The following TIMMDC1 variants were observed in gnomAD, a reference collection of about 807,000 sequenced individuals.
TIMMDC1 encodes the protein complex I assembly factor TIMMDC1, mitochondrial.
TIMMDC1 carries 25 observed loss-of-function variants against 32.6 expected under a neutral mutation model. That is an observed-to-expected ratio of 0.77 (90% CI 0.56 to 1.07). TIMMDC1 has a LOEUF of 1.07. Ranked by LOEUF, TIMMDC1 falls within the 50% of genes least tolerant of loss-of-function variation. The pLI is 0.00. For synonymous variants in TIMMDC1, 130 were observed against 127.6 expected (o/e 1.02, Z -0.13); for missense variants, 329 against 349.2 (o/e 0.94, Z 0.46).
chr3:119,518,553 CAAA>C (rs112915406), intron 6 of TIMMDC1, among the ~76,000 whole-genome samples: 1 of 112,078 alleles, frequency 8.9e-6, no homozygotes, highest in Admixed American at 9.8e-5. Context: ...TACTTCATCT[CAAA>C]AAAAAAAAAA....
intron 4 of TIMMDC1, among the ~76,000 whole-genome samples, chr3:119,507,968 A>C (rs1256881581): frequency 1.3e-5 from 2 of 152,182 alleles, no homozygotes; most frequent in Non-Finnish European, 2.9e-5. Flanking sequence ...TTTCTCCCAC[A>C]TGGGAGGCTA....
chr3:119,522,178 G>A (rs1466105996), intron 6 of TIMMDC1, among the ~76,000 whole-genome samples: 1 of 152,136 alleles, frequency 6.6e-6, no homozygotes, highest in African/African-American at 2.4e-5. Context: ...CAGATGGATG[G>A]ATAAAGAAAA....
chr3:119,504,760 G>C (rs1222410642), intron 4 of TIMMDC1, among the ~76,000 whole-genome samples: 1 of 152,154 alleles, frequency 6.6e-6, no homozygotes, highest in Admixed American at 6.5e-5. Context: ...GTTACTAACA[G>C]TGTATTGTAT....
intron 6 of TIMMDC1, among the ~76,000 whole-genome samples, chr3:119,517,766 G>A (rs2081995855): frequency 6.6e-6 from 1 of 152,060 alleles, no homozygotes. Context: ...TCAGGAGTTC[G>A]AGACCAGCCT....
intron 5 of TIMMDC1, among the ~76,000 whole-genome samples, chr3:119,515,466 C>T (rs532617294): frequency 6.6e-6 from 1 of 152,286 alleles, no homozygotes; most frequent in South Asian, 2.1e-4. Context: ...ACTCAGATAG[C>T]CATCTCCTTT....
chr3:119,509,847 G>A (rs778491208), intron 4 of TIMMDC1, among the ~76,000 whole-genome samples: 7 of 151,974 alleles, frequency 4.6e-5, no homozygotes, highest in Non-Finnish European at 7.4e-5. Context: ...CACCATACCC[G>A]GCTAATTTTT....
intron 5 of TIMMDC1, among the ~76,000 whole-genome samples, chr3:119,516,772 A>G (rs2081987324): frequency 1.3e-5 from 2 of 152,130 alleles, no homozygotes; most frequent in Admixed American, 1.3e-4. Flanking sequence ...TCCCTCCCTC[A>G]ACCAGAAATG....
At chr3:119,520,210 A>G (rs1228126674) in intron 6 of TIMMDC1, among the ~76,000 whole-genome samples, 1 of 152,150 alleles carries the variant, frequency 6.6e-6, no homozygotes, top group Non-Finnish European at 1.5e-5. Context: ...CTCGAAAAGC[A>G]AGAACAAACT....
Position 119,503,939 on chromosome 3 carries a change from C to T in TIMMDC1, c.450-15C>T. 1.2e-6 allele frequency: 2 copies of T among 1,606,618 alleles called. No homozygotes were observed. Among genetic ancestry groups the T allele is most frequent in the Non-Finnish European group, 1.7e-6 (2 of 1,174,668 alleles). ...CTTTAAATCTTATATTTTCCTTCTC[C>T]TCCCTTTTTACCAGCACAGTGAACA... On this transcript the variant is annotated splice_polypyrimidine_tract_variant and intron_variant, in intron 3 of 6. Transcript: ENST00000494664.
At chr3:119,509,676 A>G (rs1415236635) in intron 4 of TIMMDC1, among the ~76,000 whole-genome samples, 1 of 148,426 alleles carries the variant, frequency 6.7e-6, no homozygotes. Context: ...TTATATAGCA[A>G]TGCAACTAAA....
At chr3:119,521,176 G>T (rs900886388) in intron 6 of TIMMDC1, among the ~76,000 whole-genome samples, 1 of 152,146 alleles carries the variant, frequency 6.6e-6, no homozygotes, top group Admixed American at 6.5e-5. Flanking sequence ...GAACTGGAAT[G>T]AAATAGGAAT....
intron 6 of TIMMDC1, among the ~76,000 whole-genome samples, chr3:119,522,061 T>C (rs1391497131): frequency 6.6e-6 from 1 of 152,160 alleles, no homozygotes; most frequent in Non-Finnish European, 1.5e-5. Context: ...TACTAGGTAT[T>C]TATCCAAAGG....
chr3:119,518,687 C>G (rs887640106), intron 6 of TIMMDC1, among the ~76,000 whole-genome samples: 3 of 152,134 alleles, frequency 2.0e-5, no homozygotes, highest in African/African-American at 7.2e-5. Flanking sequence ...GGTCATTCAC[C>G]TGGAGTCTTC....
intron 3 of TIMMDC1, 141 bp downstream of exon 3, chr3:119,503,761 T>G: frequency 1.2e-6 from 1 of 833,192 alleles, no homozygotes; most frequent in Non-Finnish European, 1.8e-6. Context: ...TCAAGAACTT[T>G]TCTCTGTGTA....
At position 119,504,041 on chromosome 3, in the gene TIMMDC1, A is replaced by G. The variant is rs745568433; in HGVS notation, c.517+20A>G. ...CAGGAGGTAAGACATTTTTGTTTATATTTTTCAGTCTTCTCAAATACAGTT... is the reference window on the plus strand; with the variant it reads ...CAGGAGGTAAGACATTTTTGTTTATGTTTTTCAGTCTTCTCAAATACAGTT... On this transcript the variant is annotated intron_variant, in intron 4 of 6. Coordinates refer to ENST00000494664, the MANE Select transcript of TIMMDC1 (RefSeq NM_016589.4). The G allele has an allele frequency of 1.0e-5, 16 of 1,576,416 alleles. No homozygotes were observed. The highest frequency in any genetic ancestry group is 1.4e-5 in the Non-Finnish European group (16 of 1,146,636).
chr3:119,511,862 C>G (rs900776336), intron 4 of TIMMDC1, among the ~76,000 whole-genome samples: 2 of 152,106 alleles, frequency 1.3e-5, no homozygotes, highest in Admixed American at 1.3e-4. Flanking sequence ...AATTACATAC[C>G]ACTTCTGGCC....
chr3:119,520,442 G>A (rs1273595499), intron 6 of TIMMDC1, among the ~76,000 whole-genome samples: 1 of 152,054 alleles, frequency 6.6e-6, no homozygotes, highest in African/African-American at 2.4e-5. Context: ...TATCATTAGA[G>A]ATTATTATGA....
intron 5 of TIMMDC1, among the ~76,000 whole-genome samples, chr3:119,516,542 A>G (rs2107733805): frequency 6.6e-6 from 1 of 152,302 alleles, no homozygotes; most frequent in Non-Finnish European, 1.5e-5. Context: ...AGTTATTAGT[A>G]TGAGGTTACT....
chr3:119,504,779 A>G (rs1390697645), intron 4 of TIMMDC1, among the ~76,000 whole-genome samples: 1 of 152,140 alleles, frequency 6.6e-6, no homozygotes, highest in Non-Finnish European at 1.5e-5. Context: ...ATACTTCAAA[A>G]TTGCTTTTAA....
Sources: gnomAD v4.1 joint callset for allele counts (sites outside exome capture counted in the v4.1 genomes callset) on GRCh38, gnomAD v4.1.1 for gene constraint, MANE v1.5 for transcripts, NCBI Gene and HGNC (gene_info 2026-07-23, HGNC 2026-07-21) for gene names.